The following TAFA1 variants were observed in gnomAD, a reference collection of about 807,000 sequenced individuals.
TAFA1 encodes the protein chemokine-like protein TAFA-1.
In TAFA1, 4 loss-of-function variants were observed where a neutral mutation model predicts 18.5. The ratio of observed to expected loss-of-function variants is 0.22; its 90% CI spans 0.11 to 0.49. The LOEUF is 0.49. Among genes scored for constraint, TAFA1 ranks in the 20% least tolerant of loss-of-function variants. The pLI is 0.98. For missense variants in TAFA1, 147 were observed against 169.0 expected (o/e 0.87, Z 0.72); for synonymous variants, 56 against 55.2 (o/e 1.01, Z -0.06).
chr3:68,295,847 T>A (rs2068198199), intron 2 of TAFA1, among the ~76,000 whole-genome samples: 1 of 152,156 alleles, frequency 6.6e-6, no homozygotes, highest in Non-Finnish European at 1.5e-5. Flanking sequence ...TGGCCTCAAG[T>A]GATCCTCTCT....
At chr3:68,290,775 T>G (rs1414919464) in intron 2 of TAFA1, among the ~76,000 whole-genome samples, 1 of 152,184 alleles carries the variant, frequency 6.6e-6, no homozygotes, top group Non-Finnish European at 1.5e-5. Flanking sequence ...CCAATATGTT[T>G]AACTATTAAT....
intron 2 of TAFA1, among the ~76,000 whole-genome samples, chr3:68,138,058 A>G (rs2065628753): frequency 6.6e-6 from 1 of 152,188 alleles, no homozygotes; most frequent in Admixed American, 6.5e-5. Context: ...GAAAATGCCT[A>G]ATGGAATATA....
the TAFA1 span, among the ~76,000 whole-genome samples, chr3:67,994,723 C>G: frequency 3.3e-4 from 50 of 152,112 alleles, no homozygotes; most frequent in Non-Finnish European, 7.3e-5. Flanking sequence ...TTTTATACAA[C>G]TCTGGATGAA....
intron 2 of TAFA1, among the ~76,000 whole-genome samples, chr3:68,184,499 T>G (rs1464240900): frequency 6.6e-6 from 1 of 152,132 alleles, no homozygotes; most frequent in Non-Finnish European, 1.5e-5. Context: ...GAGCTGATTT[T>G]TATTCTCTAT....
At chr3:68,329,034 A>T (rs980009591) in intron 2 of TAFA1, among the ~76,000 whole-genome samples, 2 of 151,320 alleles carry the variant, frequency 1.3e-5, no homozygotes, top group African/African-American at 2.4e-5. Context: ...CTGTGCCCTT[A>T]TCTCTCCCAA....
chr3:68,355,424 T>C (rs530830454), intron 2 of TAFA1, among the ~76,000 whole-genome samples: 2 of 152,040 alleles, frequency 1.3e-5, no homozygotes, highest in South Asian at 4.2e-4. Context: ...TTTCATAAAA[T>C]TGGGCTAATA....
chr3:68,491,545 T>A (rs1470152800), intron 3 of TAFA1, among the ~76,000 whole-genome samples: 7 of 55,654 alleles, frequency 1.3e-4, no homozygotes, highest in Non-Finnish European at 1.6e-4. Context: ...TGTTGTGGGG[T>A]GGGGGGAGGG....
intron 2 of TAFA1, among the ~76,000 whole-genome samples, chr3:68,408,561 C>T (rs1025479724): frequency 4.6e-5 from 7 of 152,070 alleles, no homozygotes; most frequent in Non-Finnish European, 8.8e-5. Flanking sequence ...CTTCTTCTAC[C>T]GTTTCCTTCC....
At chr3:68,445,856 A>G (rs891247062) in intron 3 of TAFA1, among the ~76,000 whole-genome samples, 14 of 152,132 alleles carry the variant, frequency 9.2e-5, no homozygotes, top group African/African-American at 3.1e-4. Context: ...TACATTTTGC[A>G]TACCCTATCT....
chr3:68,298,348 A>G (rs1429049792), intron 2 of TAFA1, among the ~76,000 whole-genome samples: 2 of 152,174 alleles, frequency 1.3e-5, no homozygotes, highest in South Asian at 4.1e-4. Context: ...ATAACCATGG[A>G]CAGGTGAATG....
At chr3:68,444,814 AATAAAT>A (rs2071448878) in intron 3 of TAFA1, among the ~76,000 whole-genome samples, 1 of 142,300 alleles carries the variant, frequency 7.0e-6, no homozygotes, top group Non-Finnish European at 1.5e-5. Context: ...ATATATATAA[AATAAAT>A]TAATAAATAA....
intron 2 of TAFA1, among the ~76,000 whole-genome samples, chr3:68,336,337 T>C (rs576870296): frequency 2.0e-5 from 3 of 152,328 alleles, no homozygotes; most frequent in African/African-American, 7.2e-5. Context: ...CTAATTTTCA[T>C]GCTTTTGGGA....
chr3:68,275,371 G>C (rs772727842), intron 2 of TAFA1, among the ~76,000 whole-genome samples: 2 of 152,080 alleles, frequency 1.3e-5, no homozygotes, highest in Non-Finnish European at 2.9e-5. Flanking sequence ...GGCTTCAAAA[G>C]AATGTGTTCT....
In TAFA1 at chr3:68,334,082, A is replaced by G. The variant is rs539786394; in HGVS notation, c.119-83198A>G. On this transcript the variant is annotated intron_variant, in intron 2 of 4. Coordinates refer to ENST00000478136, the MANE Select transcript of TAFA1 (RefSeq NM_213609.4). Reference sequence around the variant, plus strand: ...AAAAGTTCAGGAGGCCCAATGTGCAACATGGAAACTATAGTTAATATACTG... The same window carrying G: ...AAAAGTTCAGGAGGCCCAATGTGCAGCATGGAAACTATAGTTAATATACTG... Among the ~76,000 whole-genome samples, 338 of 152,364 alleles carry G rather than the reference A, an allele frequency of 2.2e-3. 3 individuals carry two copies. Among genetic ancestry groups the G allele is most frequent in the African/African-American group, 7.6e-3 (315 of 41,584 alleles).
chr3:68,428,604 G>C (rs564999255), intron 3 of TAFA1, among the ~76,000 whole-genome samples: 32 of 151,926 alleles, frequency 2.1e-4, no homozygotes, highest in African/African-American at 7.7e-4. Context: ...GACATTGGTG[G>C]AACACTCTCA....
At chr3:68,144,097 G>C (rs2065705865) in intron 2 of TAFA1, among the ~76,000 whole-genome samples, 1 of 152,018 alleles carries the variant, frequency 6.6e-6, no homozygotes, top group Non-Finnish European at 1.5e-5. Context: ...AAGGGCCGTG[G>C]GAAAATAACT....
intron 2 of TAFA1, among the ~76,000 whole-genome samples, chr3:68,065,494 AC>A (rs1413061775): frequency 1.3e-5 from 2 of 151,996 alleles, no homozygotes; most frequent in Admixed American, 6.6e-5. Flanking sequence ...GTTTAAAGAA[AC>A]CCTTGAGGTT....
intron 2 of TAFA1, among the ~76,000 whole-genome samples, chr3:68,363,298 G>A (rs957894): frequency 0.023 from 3,573 of 152,210 alleles, 61 homozygotes; most frequent in East Asian, 0.094. Flanking sequence ...AGAAGGAAGT[G>A]ACTTTGAGGC....
At chr3:68,096,094 A>G (rs545397916) in intron 2 of TAFA1, among the ~76,000 whole-genome samples, 1 of 152,092 alleles carries the variant, frequency 6.6e-6, no homozygotes, top group African/African-American at 2.4e-5. Context: ...TTTCCATTCT[A>G]CTGTCATTCT....
Sources: gnomAD v4.1 joint callset for allele counts (sites outside exome capture counted in the v4.1 genomes callset) on GRCh38, gnomAD v4.1.1 for gene constraint, MANE v1.5 for transcripts, NCBI Gene and HGNC (gene_info 2026-07-23, HGNC 2026-07-21) for gene names.